RHAG: variants seen among roughly 807,000 people sequenced by gnomAD.
RHAG encodes the protein ammonium transporter Rh type A.
A neutral mutation model predicts 42.4 loss-of-function variants in RHAG; 25 were observed. That is an observed-to-expected ratio of 0.59 (90% CI 0.43 to 0.82). The LOEUF (loss-of-function observed/expected upper bound fraction) is 0.82. RHAG is among the 40% of genes least tolerant of loss of function. The probability of loss-of-function intolerance (pLI) is 0.00; values close to 1 mark genes in which losing one functional copy is unlikely to be tolerated. For missense variants in RHAG, 483 were observed against 504.6 expected, an observed-to-expected ratio of 0.96 and a Z score of 0.41; for synonymous variants, 182 against 177.7, an observed-to-expected ratio of 1.02 and a Z score of -0.19.
intron 1 of RHAG, among the ~76,000 whole-genome samples, chr6:49,629,858 G>A (rs1028220903): frequency 6.6e-6 from 1 of 152,192 alleles, no homozygotes; most frequent in East Asian, 1.9e-4. Context: ...GGCCCGCCAA[G>A]CCCATGCCCA....
intron 7 of RHAG, 132 bp downstream of exon 7, chr6:49,610,892 G>T (rs771833773): frequency 6.1e-6 from 6 of 981,310 alleles, no homozygotes; most frequent in South Asian, 5.3e-5. Flanking sequence ...TCTCTCAGGC[G>T]CGTCTCTTTG....
At chr6:49,625,291 G>A (rs1762827747) in intron 1 of RHAG, among the ~76,000 whole-genome samples, 1 of 152,172 alleles carries the variant, frequency 6.6e-6, no homozygotes, top group South Asian at 2.1e-4. Flanking sequence ...AGGTTTTGGA[G>A]GCAGACAATC....
intron 4 of RHAG, chr6:49,615,371 TC>T (rs1762637198): frequency 2.9e-6 from 1 of 341,256 alleles, no homozygotes; most frequent in African/African-American, 2.1e-5. Context: ...GCTCATTTTT[TC>T]AAAGTTTAAT....
chr6:49,606,825 T>C, intron 9 of RHAG, 23 bp downstream of exon 9: 2 of 1,490,618 alleles, frequency 1.3e-6, no homozygotes, highest in Non-Finnish European at 1.9e-6. Context: ...GTTCACATTC[T>C]TGTTTAGAAT....
Position 49,605,658 on chromosome 6 carries a change from A to G in RHAG, c.*155T>C. 1 of 762,482 alleles carries G rather than the reference A, an allele frequency of 1.3e-6. No homozygotes were observed. Among genetic ancestry groups the G allele is most frequent in the Non-Finnish European group, 2.4e-6 (1 of 417,390 alleles). The allele number at this position is 762,482 out of a possible 1,614,324, so 47.2% of individuals were successfully genotyped here. On this transcript the variant is annotated 3_prime_UTR_variant, in exon 10 of 10. Transcript: ENST00000371175. ...ACTGGCCATTTGGGACTTAGGATCT[A>G]TTCACTCTGGTCCATACTCTCTTTG...
chr6:49,615,574 C>G (rs2127352235), intron 4 of RHAG, 50 bp downstream of exon 4: 1 of 1,605,238 alleles, frequency 6.2e-7, no homozygotes, highest in Non-Finnish European at 8.5e-7. Flanking sequence ...TTAACCTTCT[C>G]TGGTGCCTTT....
chr6:49,628,346 T>C (rs1402361707), intron 1 of RHAG, among the ~76,000 whole-genome samples: 4 of 152,148 alleles, frequency 2.6e-5, no homozygotes, highest in Non-Finnish European at 4.4e-5. Context: ...GGTCTCACTA[T>C]GTTTTCCATG....
intron 7 of RHAG, among the ~76,000 whole-genome samples, chr6:49,607,977 C>G (rs78512354): frequency 6.6e-6 from 1 of 151,420 alleles, no homozygotes; most frequent in Non-Finnish European, 1.5e-5. Context: ...CTTTTTTTTT[C>G]TCCTTATCTG....
chr6:49,619,227 T>C lies in RHAG; in HGVS notation c.293A>G (p.Gln98Arg). 1 of 1,614,112 alleles carries C rather than the reference T, an allele frequency of 6.2e-7. No homozygotes were observed. The highest frequency in any genetic ancestry group is 1.1e-5 in the South Asian group (1 of 91,072). ...CTGTCCCTGGCTTTGCAGGATTCCC[T>C]GTACAATAGTGCCCCACTGGAGGCC... Reference protein sequence around the residue: ...ALGLQWGTIVQGILQSQGQKF... With the variant: ...ALGLQWGTIVRGILQSQGQKF... The change falls in exon 2 of 10, where the codon CAG becomes CGG. Residue 98 changes from glutamine (Q) to arginine (R), a missense_variant. Transcript: ENST00000371175.
At chr6:49,618,788 T>C (rs193104616) in intron 2 of RHAG, among the ~76,000 whole-genome samples, 1 of 152,326 alleles carries the variant, frequency 6.6e-6, no homozygotes. Flanking sequence ...ATGAAATGGC[T>C]GATAAATAAA....
At chr6:49,622,813 T>G (rs1230506817) in intron 1 of RHAG, among the ~76,000 whole-genome samples, 1 of 151,892 alleles carries the variant, frequency 6.6e-6, no homozygotes, top group Non-Finnish European at 1.5e-5. Context: ...CCCCTTCCCC[T>G]TTGATGGAAA....
Position 49,605,558 on chromosome 6 carries a change from C to T in RHAG, c.*255G>A. On this transcript the variant is annotated 3_prime_UTR_variant, in exon 10 of 10. Coordinates refer to ENST00000371175, the MANE Select transcript of RHAG (RefSeq NM_000324.3). ...TCCTGGAGAAGATCTATTTGATTAT[C>T]TGTTTTATGAGTAACATCCCCTCAA... 1 of 554,818 alleles carries T rather than the reference C, an allele frequency of 1.8e-6. No homozygotes were observed. Among genetic ancestry groups the T allele is most frequent in the South Asian group, 2.0e-5 (1 of 49,966 alleles). 34.4% of individuals were successfully genotyped at this position (554,818 alleles called of 1,614,324 possible).
At chr6:49,615,968 T>C (rs1581941153) in intron 3 of RHAG, among the ~76,000 whole-genome samples, 197 bp from the exon 4 acceptor site, 1 of 152,324 alleles carries the variant, frequency 6.6e-6, no homozygotes. Flanking sequence ...CATACAGAAC[T>C]GACTTTCAAT....
chr6:49,623,835 T>C (rs1347242287), intron 1 of RHAG, among the ~76,000 whole-genome samples: 1 of 152,202 alleles, frequency 6.6e-6, no homozygotes, highest in Non-Finnish European at 1.5e-5. Flanking sequence ...AAAACTTTAA[T>C]TTTCTTTAAA....
chr6:49,620,709 T>A (rs186640905), intron 1 of RHAG, among the ~76,000 whole-genome samples: 158 of 152,218 alleles, frequency 1.0e-3, no homozygotes, highest in Middle Eastern at 3.4e-3. Flanking sequence ...TCTTTGTATT[T>A]TTGTAGAGAT....
intron 7 of RHAG, among the ~76,000 whole-genome samples, chr6:49,609,806 C>T (rs564015752): frequency 6.6e-6 from 1 of 152,288 alleles, no homozygotes; most frequent in South Asian, 2.1e-4. Context: ...AGTTAGTGAT[C>T]ATTCAGACAT....
At chr6:49,625,666 GTTTAA>G (rs1226033407) in intron 1 of RHAG, among the ~76,000 whole-genome samples, 2 of 152,146 alleles carry the variant, frequency 1.3e-5, no homozygotes, top group Non-Finnish European at 2.9e-5. Context: ...CATTAGTAGA[GTTTAA>G]TTTATGTTGT....
At chr6:49,622,742 A>C (rs1178690115) in intron 1 of RHAG, among the ~76,000 whole-genome samples, 3 of 152,130 alleles carry the variant, frequency 2.0e-5, no homozygotes. Flanking sequence ...CTAATTCAAG[A>C]AATTGTTTTA....
chr6:49,628,668 G>A (rs1031163394), intron 1 of RHAG, among the ~76,000 whole-genome samples: 2 of 151,690 alleles, frequency 1.3e-5, no homozygotes, highest in African/African-American at 2.4e-5. Flanking sequence ...GTTCCTCCTG[G>A]TGGGCTCATG....
Sources: gnomAD v4.1 joint callset for allele counts (sites outside exome capture counted in the v4.1 genomes callset) on GRCh38, gnomAD v4.1.1 for gene constraint, MANE v1.5 for transcripts, NCBI Gene and HGNC (gene_info 2026-07-23, HGNC 2026-07-21) for gene names.